Variants in EYA3 observed in about 807,000 individuals in gnomAD.
EYA3 encodes the protein protein phosphatase EYA3.
In EYA3, 39 loss-of-function variants were observed where a neutral mutation model predicts 80.0. That is an observed-to-expected ratio of 0.49 (90% CI 0.38 to 0.64). EYA3 has a LOEUF of 0.64. Among genes scored for constraint, EYA3 ranks in the 30% least tolerant of loss-of-function variants. The pLI, the probability that EYA3 is intolerant of heterozygous loss-of-function variation, is 0.00. For missense variants in EYA3, 523 were observed against 676.1 expected, an observed-to-expected ratio of 0.77 and a Z score of 2.51; for synonymous variants, 206 against 232.8, an observed-to-expected ratio of 0.88 and a Z score of 1.05.
intron 5 of EYA3, among the ~76,000 whole-genome samples, chr1:28,037,712 A>T (rs1643531588): frequency 6.6e-6 from 1 of 152,240 alleles, no homozygotes; most frequent in Admixed American, 6.5e-5. Context: ...ATACCAGATT[A>T]AAAATTAGAA....
rs183873616 is a variant in EYA3 at position 28,000,352 on chromosome 1, G to A, written c.994-303C>T. 1.2e-3 allele frequency among the ~76,000 whole-genome samples: 182 copies of A among 151,236 alleles called. 1 individual carries two copies. Among genetic ancestry groups the A allele is most frequent in the Non-Finnish European group, 2.0e-3 (138 of 67,838 alleles). On this transcript the variant is annotated intron_variant, in intron 11 of 17. Transcript: ENST00000373871. ...TTTTGAGACGGAGTCTCACTCTGTC[G>A]CCCAGGCTGGAGTGCAGTGGTGCAA... is the stretch of plus-strand genomic sequence containing the variant.
chr1:28,040,623 G>C (rs959320360), intron 4 of EYA3, among the ~76,000 whole-genome samples: 3 of 152,180 alleles, frequency 2.0e-5, no homozygotes, highest in Admixed American at 2.0e-4. Context: ...TACTGAGAGG[G>C]AGAATGTGAG....
chr1:28,087,479 C>T (rs1161932386), intron 1 of EYA3, among the ~76,000 whole-genome samples: 8 of 152,144 alleles, frequency 5.3e-5, no homozygotes, highest in Non-Finnish European at 1.0e-4. Flanking sequence ...TGAAAAAATG[C>T]ATATGTGCAT....
chr1:28,052,352 G>C (rs536829889), intron 2 of EYA3, among the ~76,000 whole-genome samples: 3 of 152,090 alleles, frequency 2.0e-5, no homozygotes, highest in African/African-American at 7.2e-5. Flanking sequence ...AATCAAGACC[G>C]TGTGGTACTG....
intron 7 of EYA3, among the ~76,000 whole-genome samples, chr1:28,017,481 A>C (rs970436970): frequency 6.6e-6 from 1 of 152,198 alleles, no homozygotes; most frequent in African/African-American, 2.4e-5. Context: ...TAAAGGCCTA[A>C]AAGGATATAT....
chr1:28,022,210 G>A (rs1020465010), intron 7 of EYA3, among the ~76,000 whole-genome samples: 27 of 152,078 alleles, frequency 1.8e-4, no homozygotes, highest in African/African-American at 5.8e-4. Context: ...GTGCAGTGGC[G>A]CGATCTCGAC....
chr1:28,047,749 C>T (rs1644074813), intron 3 of EYA3, among the ~76,000 whole-genome samples: 1 of 151,956 alleles, frequency 6.6e-6, no homozygotes, highest in Non-Finnish European at 1.5e-5. Context: ...CACCATTCTC[C>T]TGCCTCAGCC....
intron 17 of EYA3, 34 bp downstream of exon 17, chr1:27,978,340 A>G: frequency 6.7e-7 from 1 of 1,496,822 alleles, no homozygotes; most frequent in Non-Finnish European, 9.3e-7. Context: ...CTCGATGTAC[A>G]ACCACATAGA....
intron 1 of EYA3, among the ~76,000 whole-genome samples, chr1:28,070,870 C>T (rs140801600): frequency 1.6e-3 from 245 of 152,278 alleles, no homozygotes; most frequent in South Asian, 4.8e-3. Context: ...CCTTAACAAA[C>T]TCAACACTAG....
intron 17 of EYA3, among the ~76,000 whole-genome samples, chr1:27,976,645 G>A (rs1638941848): frequency 6.6e-6 from 1 of 152,166 alleles, no homozygotes; most frequent in Non-Finnish European, 1.5e-5. Context: ...TGTCAGAAAG[G>A]CTGCAGAAAA....
rs188996821 is a variant in EYA3 at position 28,085,764 on chromosome 1, T to G, written c.-69+2760A>C. ...ACACACATTAAGCTGTCTCTGGGTT[T>G]GTTTGTTTGTTTGTTTGTTTGTTTT... On this transcript the variant is annotated intron_variant, in intron 1 of 17. Transcript: ENST00000373871. Among the ~76,000 whole-genome samples the G allele has an allele frequency of 2.5e-4, 28 of 113,200 alleles. No individual in the cohort carries two copies. The East Asian group carries it at 4.7e-3, about 19-fold the overall frequency. 74.3% of individuals were successfully genotyped at this position (113,200 alleles called of 152,430 possible).
At chr1:28,074,829 T>C (rs1020985159) in intron 1 of EYA3, among the ~76,000 whole-genome samples, 2 of 152,316 alleles carry the variant, frequency 1.3e-5, no homozygotes, top group African/African-American at 4.8e-5. Context: ...ATCAGATTCT[T>C]CCCCTACCAG....
rs1039488963 is a variant in EYA3, at chr1:28,042,634, C to G, written c.94G>C (p.Asp32His). 3 of 1,614,028 alleles carry G rather than the reference C, an allele frequency of 1.9e-6. No homozygotes were observed. Among genetic ancestry groups the G allele is most frequent in the Non-Finnish European group, 1.7e-6 (2 of 1,179,988 alleles). The change falls in exon 4 of 18, where the codon GAT becomes CAT. Residue 32 changes from aspartate to histidine, a missense_variant. Asp to His is a moderately conservative substitution (Grantham distance 81, BLOSUM62 -1). Transcript: ENST00000373871. ...EQTISQVSNP[D>H]VSDQKPETSS... The stretch of plus-strand genomic sequence containing the variant: ...GTTTCAGGCTTCTGATCACTGACAT[C>G]TGGATTGCTTACTTGACTGGGAGAA...
intron 6 of EYA3, among the ~76,000 whole-genome samples, chr1:28,033,585 C>A (rs1303360376): frequency 3.3e-5 from 5 of 151,408 alleles, no homozygotes; most frequent in Non-Finnish European, 7.4e-5. Flanking sequence ...AACATGTATC[C>A]TTCAAGGTTT....
At chr1:28,076,593 C>T (rs921860626) in intron 1 of EYA3, among the ~76,000 whole-genome samples, 4 of 149,856 alleles carry the variant, frequency 2.7e-5, no homozygotes, top group Non-Finnish European at 4.4e-5. Flanking sequence ...TGCCTGTAGT[C>T]CCAGGTGGAG....
chr1:28,077,104 C>CT (rs377204823), intron 1 of EYA3, among the ~76,000 whole-genome samples: 17,206 of 114,054 alleles, frequency 0.15, 1,493 homozygotes, highest in East Asian at 0.25. Context: ...ACAAAACAAT[C>CT]TTTTTTTTTT....
intron 5 of EYA3, among the ~76,000 whole-genome samples, chr1:28,038,328 C>T (rs563773189): frequency 2.0e-4 from 30 of 150,924 alleles, no homozygotes; most frequent in Middle Eastern, 3.4e-3. Flanking sequence ...CCCAGCTATC[C>T]GGGAGGCTGA....
intron 7 of EYA3, among the ~76,000 whole-genome samples, chr1:28,023,575 T>C (rs1420102469): frequency 6.6e-6 from 1 of 152,034 alleles, no homozygotes; most frequent in East Asian, 1.9e-4. Context: ...TCAGATAAAT[T>C]CTCTAAGAGT....
intron 2 of EYA3, among the ~76,000 whole-genome samples, chr1:28,049,318 C>T (rs1406928979): frequency 3.3e-5 from 5 of 152,144 alleles, no homozygotes; most frequent in Non-Finnish European, 7.4e-5. Context: ...ATTCTTGGTT[C>T]CTTGCTTATG....
Sources: allele counts gnomAD v4.1 joint callset (sites outside exome capture counted in the v4.1 genomes callset), GRCh38; gene constraint gnomAD v4.1.1; transcripts MANE v1.5; gene names NCBI Gene and HGNC (gene_info 2026-07-23, HGNC 2026-07-21).